The following ZCCHC7 variants were observed in gnomAD, a reference collection of about 807,000 sequenced individuals.
ZCCHC7 encodes zinc finger CCHC domain-containing protein 7.
A neutral mutation model predicts 52.0 loss-of-function variants in ZCCHC7; 35 were observed. That is an observed-to-expected ratio of 0.67 (90% CI 0.51 to 0.89). ZCCHC7 has a LOEUF of 0.89. ZCCHC7 is among the 40% of genes least tolerant of loss of function. The pLI is 0.00. For synonymous variants in ZCCHC7, 217 were observed against 221.5 expected (o/e 0.98, Z 0.18); for missense variants, 574 against 649.1 (o/e 0.88, Z 1.26).
intron 2 of ZCCHC7, among the ~76,000 whole-genome samples, chr9:37,268,328 A>G (rs1827214367): frequency 6.6e-6 from 1 of 151,978 alleles, no homozygotes; most frequent in South Asian, 2.1e-4. Context: ...TTCCAGACCT[A>G]TCAGGTGTTT....
At chr9:37,329,033 GT>G (rs1172369108) in intron 6 of ZCCHC7, among the ~76,000 whole-genome samples, 3 of 151,882 alleles carry the variant, frequency 2.0e-5, no homozygotes, top group East Asian at 1.9e-4. Flanking sequence ...TTATGTAGCA[GT>G]TTTTTTATCC....
intron 2 of ZCCHC7, among the ~76,000 whole-genome samples, chr9:37,297,181 A>G (rs1828827429): frequency 1.3e-5 from 2 of 152,138 alleles, no homozygotes; most frequent in Non-Finnish European, 2.9e-5. Context: ...GTCCTTTTTA[A>G]AAGCTTGTTG....
chr9:37,192,295 A>G (rs1215362335), intron 2 of ZCCHC7, among the ~76,000 whole-genome samples: 2 of 152,224 alleles, frequency 1.3e-5, no homozygotes, highest in East Asian at 1.9e-4. Context: ...ATAACTTGTT[A>G]TTGTCAGAGA....
At chr9:37,215,028 C>G (rs1456367412) in intron 2 of ZCCHC7, among the ~76,000 whole-genome samples, 1 of 152,024 alleles carries the variant, frequency 6.6e-6, no homozygotes, top group Non-Finnish European at 1.5e-5. Context: ...ATTCTGCTTG[C>G]TTTATGAAAC....
intron 6 of ZCCHC7, among the ~76,000 whole-genome samples, chr9:37,338,135 C>T (rs1255845743): frequency 6.6e-6 from 1 of 152,076 alleles, no homozygotes; most frequent in African/African-American, 2.4e-5. Context: ...GTTCATTGTT[C>T]TCTGCTTACT....
At chr9:37,175,550 C>T (rs62535712) in intron 2 of ZCCHC7, among the ~76,000 whole-genome samples, 20,644 of 151,968 alleles carry the variant, frequency 0.14, 1,714 homozygotes, top group Non-Finnish European at 0.17. Context: ...AACCCCTCCC[C>T]GCACACCGCA....
chr9:37,261,711 C>T (rs1293931557), intron 2 of ZCCHC7, among the ~76,000 whole-genome samples: 1 of 152,198 alleles, frequency 6.6e-6, no homozygotes, highest in African/African-American at 2.4e-5. Flanking sequence ...GAAAAACTCA[C>T]AAGGAAGTGA....
chr9:37,181,620 G>A (rs965040596), intron 2 of ZCCHC7, among the ~76,000 whole-genome samples: 1 of 152,132 alleles, frequency 6.6e-6, no homozygotes, highest in Non-Finnish European at 1.5e-5. Flanking sequence ...GACACCAAAG[G>A]CCACAAAATA....
chr9:37,235,148 G>A (rs957772253), intron 2 of ZCCHC7, among the ~76,000 whole-genome samples: 2 of 152,132 alleles, frequency 1.3e-5, no homozygotes, highest in African/African-American at 2.4e-5. Context: ...AATATACAAT[G>A]TAGTATTATT....
chr9:37,266,454 G>A (rs2133472063), intron 2 of ZCCHC7, among the ~76,000 whole-genome samples: 2 of 152,276 alleles, frequency 1.3e-5, no homozygotes, highest in Middle Eastern at 6.8e-3. Flanking sequence ...AGTAGTTAAT[G>A]CTTTAGGGTA....
intron 2 of ZCCHC7, among the ~76,000 whole-genome samples, chr9:37,145,376 A>G (rs1282879307): frequency 2.0e-5 from 3 of 151,938 alleles, no homozygotes; most frequent in Non-Finnish European, 2.9e-5. Flanking sequence ...TTATGTTTCT[A>G]GAAGTCTACT....
At chr9:37,162,652 A>C (rs1821170061) in intron 2 of ZCCHC7, among the ~76,000 whole-genome samples, 1 of 152,222 alleles carries the variant, frequency 6.6e-6, no homozygotes, top group Non-Finnish European at 1.5e-5. Flanking sequence ...AGTTTTTAGA[A>C]ATTACAAAGC....
At chr9:37,355,157 A>G (rs1191717454) in intron 8 of ZCCHC7, among the ~76,000 whole-genome samples, 1 of 151,722 alleles carries the variant, frequency 6.6e-6, no homozygotes, top group Non-Finnish European at 1.5e-5. Context: ...TTCCATTTGT[A>G]TTTCTCCAGT....
chr9:37,170,542 T>G (rs1222608804), intron 2 of ZCCHC7, among the ~76,000 whole-genome samples: 1 of 152,202 alleles, frequency 6.6e-6, no homozygotes, highest in East Asian at 1.9e-4. Flanking sequence ...GTGATGGGAC[T>G]GGTACGCATT....
intron 2 of ZCCHC7, among the ~76,000 whole-genome samples, chr9:37,267,859 G>A (rs1388740440): frequency 2.6e-5 from 4 of 151,966 alleles, no homozygotes; most frequent in African/African-American, 2.4e-5. Flanking sequence ...GTGAGCCACC[G>A]CGCCCGGCCT....
chr9:37,131,703 G>A (rs1484989799), intron 2 of ZCCHC7, among the ~76,000 whole-genome samples: 4 of 152,152 alleles, frequency 2.6e-5, no homozygotes, highest in African/African-American at 9.7e-5. Context: ...TCTACTGACA[G>A]TTAATACCAC....
chr9:37,195,868 A>T (rs1823262579), intron 2 of ZCCHC7, among the ~76,000 whole-genome samples: 1 of 152,214 alleles, frequency 6.6e-6, no homozygotes, highest in African/African-American at 2.4e-5. Context: ...TTGAAATTAG[A>T]GTCACCACGA....
intron 2 of ZCCHC7, among the ~76,000 whole-genome samples, chr9:37,208,805 G>A (rs939563138): frequency 6.6e-6 from 1 of 152,086 alleles, no homozygotes; most frequent in South Asian, 2.1e-4. Flanking sequence ...AGCAGCTAGA[G>A]AGGTCCTTTT....
chr9:37,181,181 T>C (rs1017283505), intron 2 of ZCCHC7, among the ~76,000 whole-genome samples: 12 of 152,202 alleles, frequency 7.9e-5, no homozygotes, highest in Admixed American at 7.9e-4. Flanking sequence ...TTCTTTGTTA[T>C]TTCGTTGTCC....
Sources: gnomAD v4.1 joint callset for allele counts (sites outside exome capture counted in the v4.1 genomes callset) on GRCh38, gnomAD v4.1.1 for gene constraint, MANE v1.5 for transcripts, NCBI Gene and HGNC (gene_info 2026-07-23, HGNC 2026-07-21) for gene names.